SUGCT: variants seen among roughly 807,000 people sequenced by gnomAD.
SUGCT encodes succinyl-CoA:glutarate CoA-transferase.
Under a neutral mutation model 55.0 loss-of-function variants are expected in SUGCT, and 41 were observed. That is an observed-to-expected ratio of 0.74 (90% CI 0.58 to 0.97). The LOEUF is 0.97. Ranked by LOEUF, SUGCT falls within the 50% of genes least tolerant of loss-of-function variation. The pLI, the probability that SUGCT is intolerant of heterozygous loss-of-function variation, is 0.00. For missense variants in SUGCT, 568 were observed against 547.8 expected (o/e 1.04, Z -0.37); for synonymous variants, 187 against 200.4 (o/e 0.93, Z 0.56).
At chr7:40,379,492 A>G (rs1024768373) in intron 9 of SUGCT, among the ~76,000 whole-genome samples, 1 of 152,164 alleles carries the variant, frequency 6.6e-6, no homozygotes, top group African/African-American at 2.4e-5. Context: ...ATTAATGACA[A>G]TTCTGGAAAT....
the SUGCT span, among the ~76,000 whole-genome samples, chr7:41,012,056 A>G: frequency 6.6e-6 from 1 of 152,268 alleles, no homozygotes; most frequent in African/African-American, 2.4e-5. Context: ...GTGGAAGCCA[A>G]ATGGAGACAG....
intron 8 of SUGCT, among the ~76,000 whole-genome samples, chr7:40,283,145 G>T (rs2901707): frequency 6.6e-6 from 1 of 151,806 alleles, no homozygotes; most frequent in African/African-American, 2.4e-5. Context: ...TCTGATAAGG[G>T]GTTGTTATCC....
intron 6 of SUGCT, among the ~76,000 whole-genome samples, chr7:40,229,957 A>T (rs1788626372): frequency 6.6e-6 from 1 of 152,222 alleles, no homozygotes; most frequent in Admixed American, 6.5e-5. Context: ...TTACTATGAA[A>T]CATTTTATTG....
intron 9 of SUGCT, among the ~76,000 whole-genome samples, chr7:40,335,926 A>G (rs1796670592): frequency 6.6e-6 from 1 of 152,204 alleles, no homozygotes; most frequent in Non-Finnish European, 1.5e-5. Flanking sequence ...CATCCCATCA[A>G]TACCTAATTT....
intron 12 of SUGCT, among the ~76,000 whole-genome samples, chr7:40,727,943 CTG>C (rs1224831241): frequency 1.1e-4 from 17 of 152,070 alleles, no homozygotes; most frequent in African/African-American, 3.6e-4. Context: ...TAGCATATAT[CTG>C]TGTTATTATT....
At chr7:40,372,037 A>G (rs1479236523) in intron 9 of SUGCT, among the ~76,000 whole-genome samples, 3 of 151,958 alleles carry the variant, frequency 2.0e-5, no homozygotes, top group Non-Finnish European at 4.4e-5. Flanking sequence ...AGGATTATGA[A>G]ACACATACTG....
At chr7:40,249,093 C>G (rs1487835640) in intron 7 of SUGCT, among the ~76,000 whole-genome samples, 1 of 151,638 alleles carries the variant, frequency 6.6e-6, no homozygotes, top group East Asian at 1.9e-4. Flanking sequence ...GAGTTTGAGA[C>G]CAGTCTGGCC....
intron 8 of SUGCT, among the ~76,000 whole-genome samples, chr7:40,301,561 A>C (rs1794543720): frequency 3.3e-5 from 5 of 152,222 alleles, no homozygotes; most frequent in Admixed American, 3.3e-4. Flanking sequence ...AACTCCCATG[A>C]GATAGATCAC....
the SUGCT span, among the ~76,000 whole-genome samples, chr7:40,974,162 A>G: frequency 6.6e-6 from 1 of 152,164 alleles, no homozygotes; most frequent in African/African-American, 2.4e-5. Flanking sequence ...AAGTGACTCT[A>G]TTTTTCTTTC....
intron 12 of SUGCT, among the ~76,000 whole-genome samples, chr7:40,604,341 C>T (rs1434028727): frequency 6.6e-6 from 1 of 152,090 alleles, no homozygotes; most frequent in Admixed American, 6.5e-5. Flanking sequence ...TTACATGAAT[C>T]TGCTTGGTTT....
At chr7:40,135,293 C>G (rs1206344787) in intron 1 of SUGCT, among the ~76,000 whole-genome samples, 173 bp downstream of exon 1, 1 of 152,252 alleles carries the variant, frequency 6.6e-6, no homozygotes, top group East Asian at 1.9e-4. Flanking sequence ...CTGCCCCGCT[C>G]TGGCCGCCCA....
At chr7:40,266,717 A>G (rs1439966916) in intron 7 of SUGCT, among the ~76,000 whole-genome samples, 3 of 152,112 alleles carry the variant, frequency 2.0e-5, no homozygotes, top group African/African-American at 7.2e-5. Context: ...ACAGAGTATA[A>G]GAAAATAACC....
chr7:40,231,432 A>G (rs1379829323), intron 6 of SUGCT, among the ~76,000 whole-genome samples: 1 of 152,192 alleles, frequency 6.6e-6, no homozygotes, highest in African/African-American at 2.4e-5. Flanking sequence ...TCCACTAGTG[A>G]TAAGTACTTT....
rs866645934 is a variant in SUGCT at position 40,381,172 on chromosome 7, C to T, written c.816+64317C>T. Among the ~76,000 whole-genome samples, 30 of 152,074 alleles carry T rather than the reference C, an allele frequency of 2.0e-4. No individual in the cohort carries two copies. The Middle Eastern group carries it at 0.017, about 86-fold the overall frequency. The stretch of plus-strand genomic sequence containing the variant: ...ATTCTTTAAGACTCAAGTTGATTCT[C>T]ATAGTAGTGTTATGGTATAGATAAG... On this transcript the variant is annotated intron_variant, in intron 9 of 13. Transcript: ENST00000335693.
chr7:40,858,021 C>G (rs1454209303), intron 13 of SUGCT, among the ~76,000 whole-genome samples: 1 of 152,052 alleles, frequency 6.6e-6, no homozygotes, highest in Non-Finnish European at 1.5e-5. Context: ...ATTTCCTAAC[C>G]TTAATCCTAA....
intron 12 of SUGCT, among the ~76,000 whole-genome samples, chr7:40,583,094 A>T (rs1264714269): frequency 6.6e-6 from 1 of 152,174 alleles, no homozygotes; most frequent in Admixed American, 6.5e-5. Context: ...CTTAAATAAC[A>T]ACTAGCTGGT....
intron 9 of SUGCT, among the ~76,000 whole-genome samples, chr7:40,349,832 A>C (rs1797521038): frequency 6.6e-6 from 1 of 152,180 alleles, no homozygotes; most frequent in African/African-American, 2.4e-5. Flanking sequence ...CACCACACCC[A>C]GGTGATTGGT....
intron 12 of SUGCT, among the ~76,000 whole-genome samples, chr7:40,728,128 A>G (rs1237473603): frequency 6.6e-6 from 1 of 152,210 alleles, no homozygotes; most frequent in Admixed American, 6.5e-5. Context: ...CTTTGTATAT[A>G]TATTGACTAA....
chr7:40,666,390 GGAAA>G (rs1225074512), intron 12 of SUGCT, among the ~76,000 whole-genome samples: 3 of 138,456 alleles, frequency 2.2e-5, no homozygotes, highest in Non-Finnish European at 4.7e-5. Flanking sequence ...AAGGAAGGAA[GGAAA>G]GAAAGAAAGT....
Sources: gnomAD v4.1 joint callset for allele counts (sites outside exome capture counted in the v4.1 genomes callset) on GRCh38, gnomAD v4.1.1 for gene constraint, MANE v1.5 for transcripts, NCBI Gene and HGNC (gene_info 2026-07-23, HGNC 2026-07-21) for gene names.